Variants in MARF1 observed in about 807,000 individuals in gnomAD.
MARF1 encodes limkain-b1.
A neutral mutation model predicts 168.2 loss-of-function variants in MARF1; 24 were observed. The observed-to-expected ratio is 0.14, with a 90% confidence interval of 0.10 to 0.20. The LOEUF (loss-of-function observed/expected upper bound fraction) is 0.20, where lower values mean the gene tolerates loss of function less well. MARF1 is among the 10% of genes least tolerant of loss of function. The pLI is 1.00. For synonymous variants in MARF1, 868 were observed against 822.4 expected, an observed-to-expected ratio of 1.06 and a Z score of -0.95; for missense variants, 1,744 against 2,143.6, an observed-to-expected ratio of 0.81 and a Z score of 3.68.
At chr16:15,621,353 T>C (rs898865420) in intron 12 of MARF1, 4 of 202,392 alleles carry the variant, frequency 2.0e-5, no homozygotes, top group Non-Finnish European at 3.0e-5. Context: ...TATCTGCAAA[T>C]GGAGAGCTTG....
At chr16:15,621,600 C>A in intron 12 of MARF1, 133 bp downstream of exon 12, 1 of 866,922 alleles carries the variant, frequency 1.2e-6, no homozygotes, top group Non-Finnish European at 1.8e-6. Flanking sequence ...CTGTATCAAT[C>A]TAGAATAAGC....
chr16:15,599,338 C>T lies in MARF1; in HGVS notation c.4814-314G>A, dbSNP rs550314869. Among the ~76,000 whole-genome samples, 349 of 152,110 alleles carry T rather than the reference C, an allele frequency of 2.3e-3. 3 individuals are homozygous for T. The highest frequency in any genetic ancestry group is 8.1e-3 in the African/African-American group (335 of 41,478). On this transcript the variant is annotated intron_variant, in intron 25 of 26. Coordinates refer to ENST00000396368, the MANE Select transcript of MARF1 (RefSeq NM_014647.4). ...TCCAAAGAGAAGGGACAGCCTGAGA[C>T]GGGGTGTACGTAGTTAACAGCAAGT... is the stretch of plus-strand genomic sequence containing the variant.
At chr16:15,642,055 T>A (rs891529890) in intron 1 of MARF1, among the ~76,000 whole-genome samples, 2 of 152,160 alleles carry the variant, frequency 1.3e-5, no homozygotes, top group Non-Finnish European at 2.9e-5. Flanking sequence ...TCTCTGAACC[T>A]CAGATCCCAT....
intron 22 of MARF1, chr16:15,602,643 A>AAGGAAGAG (rs2032614600): frequency 2.2e-6 from 1 of 458,824 alleles, no homozygotes; most frequent in African/African-American, 2.0e-5. Flanking sequence ...GGAAGAGGAG[A>AAGGAAGAG]AAGAAAAGGA....
At chr16:15,631,029 C>T (rs1445823468) in intron 6 of MARF1, among the ~76,000 whole-genome samples, 1 of 152,102 alleles carries the variant, frequency 6.6e-6, no homozygotes, top group Non-Finnish European at 1.5e-5. Context: ...ACTTGGGAGG[C>T]TGAGGCAGAA....
chr16:15,634,708 T>C, intron 4 of MARF1, 49 bp downstream of exon 4: 1 of 1,543,388 alleles, frequency 6.5e-7, no homozygotes, highest in Non-Finnish European at 8.9e-7. Context: ...TAGTATGAGA[T>C]ATTGAAAGCT....
chr16:15,624,884 C>T lies in MARF1; in HGVS notation c.2155G>A (p.Glu719Lys), dbSNP rs753964600. 2 of 1,614,126 alleles carry T rather than the reference C, an allele frequency of 1.2e-6. No individual in the cohort carries two copies. The highest frequency in any genetic ancestry group is 1.1e-5 in the South Asian group (1 of 91,078). Residue 719 changes from glutamate to lysine, a missense_variant, in exon 10 of 27, where the codon GAG (glutamate) becomes AAG (lysine). Coordinates refer to ENST00000396368, the MANE Select transcript of MARF1 (RefSeq NM_014647.4). ...ACAGTCTCCTCTTTATCTTTTTTCT[C>T]TACAGGAGAACTGGTAACACTTCGG... ...SARSVTSSPV[E>K]KKDKEETVFQ...
At chr16:15,640,461 T>C (rs1228892132) in intron 1 of MARF1, among the ~76,000 whole-genome samples, 4 of 152,210 alleles carry the variant, frequency 2.6e-5, no homozygotes, top group African/African-American at 9.6e-5. Context: ...CCCAGCACTT[T>C]GGGAGGCCAA....
Position 15,594,736 on chromosome 16 carries a change from T to G in MARF1, c.*1957A>C, listed in dbSNP as rs1168961274. 1 of 152,624 alleles carries G rather than the reference T, an allele frequency of 6.6e-6. No individual in the cohort carries two copies. The highest frequency in any genetic ancestry group is 1.9e-4 in the East Asian group (1 of 5,202). 9.5% of individuals were successfully genotyped at this position (152,624 alleles called of 1,614,324 possible). ...ATTGTGGAGTACATTATGAACACAA[T>G]GTGCTTCCGAAGTCTTCTCTCTCAT... On this transcript the variant is annotated 3_prime_UTR_variant, in exon 27 of 27. Transcript: ENST00000396368.
Position 15,633,842 on chromosome 16 carries a change from C to T in MARF1, c.1008G>A (p.Gly336=). ...TSLGKAASKF[G]SPEVAVAGQV... Reference sequence around the variant, plus strand: ...GTCCAGCTACTGCAACTTCTGGTGACCCTTAAGAAATGTTAACATTTTCAA... The same window carrying T: ...GTCCAGCTACTGCAACTTCTGGTGATCCTTAAGAAATGTTAACATTTTCAA... The change falls in exon 5 of 27, where the codon GGG becomes GGA. Residue 336 remains glycine (G), a splice_region_variant and synonymous_variant. Coordinates refer to ENST00000396368, the MANE Select transcript of MARF1 (RefSeq NM_014647.4). The T allele has an allele frequency of 6.3e-7, 1 of 1,599,968 alleles. No individual in the cohort carries two copies. The highest frequency in any genetic ancestry group is 8.5e-7 in the Non-Finnish European group (1 of 1,172,804).
intron 26 of MARF1, among the ~76,000 whole-genome samples, chr16:15,597,306 C>T (rs756951230): frequency 1.3e-5 from 2 of 152,164 alleles, no homozygotes; most frequent in Admixed American, 6.5e-5. Flanking sequence ...CTTCCTGAGG[C>T]GGGAGGCCGT....
At position 15,620,197 on chromosome 16, in the gene MARF1, A is replaced by C. The variant is rs187846322; in HGVS notation, c.2720+254T>G. ...ATTAAAAAACAAACAAACAAACAAA[A>C]AAAACAAACTAAAGCTAGTCAATTA... On this transcript the variant is annotated intron_variant, in intron 13 of 26. Coordinates refer to ENST00000396368, the MANE Select transcript of MARF1 (RefSeq NM_014647.4). 1.7e-3 allele frequency among the ~76,000 whole-genome samples: 255 copies of C among 152,220 alleles called. 1 individual carries two copies. The highest frequency in any genetic ancestry group is 5.5e-3 in the African/African-American group (229 of 41,544).
intron 26 of MARF1, among the ~76,000 whole-genome samples, chr16:15,597,977 C>T (rs2031928477): frequency 6.6e-6 from 1 of 152,144 alleles, no homozygotes; most frequent in African/African-American, 2.4e-5. Context: ...TGAACGCTGC[C>T]AAGAACAACC....
At position 15,608,653 on chromosome 16, in the gene MARF1, A is replaced by G. The variant is rs190153545; in HGVS notation, c.3955-135T>C. ...AATGGGTATAAAGTTTCAGTTGTGTAAGATGAAAAAGTTCAGAAGATCGGT... is the reference window on the plus strand; with the variant it reads ...AATGGGTATAAAGTTTCAGTTGTGTGAGATGAAAAAGTTCAGAAGATCGGT... On this transcript the variant is annotated intron_variant, in intron 20 of 26. Transcript: ENST00000396368. 6.1e-5 allele frequency: 39 copies of G among 637,980 alleles called. No homozygotes were observed. In the Admixed American group the frequency reaches 1.1e-3, roughly 18 times the overall value. The allele number at this position is 637,980 out of a possible 1,614,324, so 39.5% of individuals were successfully genotyped here. A position where few individuals can be genotyped will look rare whatever the true frequency, so the allele number is the denominator to read the frequency against.
At chr16:15,616,483 G>A (rs1459916118) in intron 15 of MARF1, among the ~76,000 whole-genome samples, 1 of 152,210 alleles carries the variant, frequency 6.6e-6, no homozygotes, top group Non-Finnish European at 1.5e-5. Context: ...TCTCCCCTCT[G>A]TGGAAGAATC....
At position 15,618,516 on chromosome 16, in the gene MARF1, C is replaced by T. The variant is rs183321680; in HGVS notation, c.2721-981G>A. Among the ~76,000 whole-genome samples, 560 of 152,250 alleles carry T rather than the reference C, an allele frequency of 3.7e-3. 1 individual carries two copies. Among genetic ancestry groups the T allele is most frequent in the Non-Finnish European group, 6.1e-3 (414 of 68,020 alleles). The stretch of plus-strand genomic sequence containing the variant: ...GTAGTGATGACTCAAAAGTTATCAG[C>T]GGCCTCTGCCTCATCCCCACACCTC... On this transcript the variant is annotated intron_variant, in intron 13 of 26. Coordinates refer to ENST00000396368, the MANE Select transcript of MARF1 (RefSeq NM_014647.4).
chr16:15,602,126 T>G lies in MARF1; in HGVS notation c.4491A>C (p.Leu1497Phe). 1 of 1,614,146 alleles carries G rather than the reference T, an allele frequency of 6.2e-7. No individual in the cohort carries two copies. Among genetic ancestry groups the G allele is most frequent in the South Asian group, 1.1e-5 (1 of 91,088 alleles). ...TCTGCTGGTAGTGGTAAGTATGAAG[T>G]AAAGACCGCACATTCTTTGCAAACA... ...LYLFAKNVRS[L>F]LHTYHYQQIF... The change falls in exon 23 of 27, where the codon TTA (leucine) becomes TTC (phenylalanine). Residue 1497 changes from leucine to phenylalanine, a missense_variant. Physicochemically the swap from Leu to Phe is conservative, Grantham distance 22. This residue lies in a region of MARF1 where 313 missense variants were observed against 337.4 expected (regional missense o/e 0.93). Transcript: ENST00000396368.
intron 22 of MARF1, 35 bp downstream of exon 22, chr16:15,604,133 C>T (rs749422760): frequency 6.8e-7 from 1 of 1,476,162 alleles, no homozygotes; most frequent in Non-Finnish European, 9.5e-7. Flanking sequence ...CGATAGTTTT[C>T]AATGATAGTT....
rs963826862 is a variant in MARF1, at chr16:15,596,018, C to T, written c.*675G>A. 2.6e-5 allele frequency: 4 copies of T among 152,550 alleles called. No individual in the cohort carries two copies. Among genetic ancestry groups the T allele is most frequent in the Admixed American group, 1.3e-4 (2 of 15,270 alleles). The allele number at this position is 152,550 out of a possible 1,614,324, so 9.4% of individuals were successfully genotyped here. A position where few individuals can be genotyped will look rare whatever the true frequency, so the allele number is the denominator to read the frequency against. ...ACATCCTCAACTTTCTAGAAAGCTC[C>T]TAAATGGAACCCCAAAGTAGAAACG... On this transcript the variant is annotated 3_prime_UTR_variant, in exon 27 of 27. Transcript: ENST00000396368.
Sources: allele counts gnomAD v4.1 joint callset (sites outside exome capture counted in the v4.1 genomes callset), GRCh38; gene constraint gnomAD v4.1.1; regional missense constraint gnomAD v4.1.1; transcripts MANE v1.5; gene names NCBI Gene and HGNC (gene_info 2026-07-23, HGNC 2026-07-21).